NKAIN3: variants seen among roughly 807,000 people sequenced by gnomAD.
NKAIN3 encodes the protein sodium/potassium transporting ATPase interacting 3.
Under a neutral mutation model 30.2 loss-of-function variants are expected in NKAIN3, and 25 were observed. The ratio of observed to expected loss-of-function variants is 0.83; its 90% confidence interval spans 0.60 to 1.16. The LOEUF (loss-of-function observed/expected upper bound fraction) is 1.16. NKAIN3 is among the 50% of genes most tolerant of loss of function. The pLI, the probability that NKAIN3 is intolerant of heterozygous loss-of-function variation, is 0.00. For synonymous variants in NKAIN3, 91 were observed against 89.6 expected (o/e 1.02, Z -0.09); for missense variants, 225 against 254.1 (o/e 0.89, Z 0.78).
intron 6 of NKAIN3, among the ~76,000 whole-genome samples, chr8:62,962,416 C>T (rs1350058): frequency 0.48 from 73,348 of 151,994 alleles, 18,634 homozygotes; most frequent in African/African-American, 0.66. Flanking sequence ...TGATTATGGG[C>T]TGAGTATTAA....
In NKAIN3 at chr8:62,971,303, A is replaced by C. The variant is rs1242991705; in HGVS notation, c.*5896A>C. 6.6e-6 allele frequency among the ~76,000 whole-genome samples: 1 copy of C among 152,212 alleles called. No homozygotes were observed. The highest frequency in any genetic ancestry group is 1.9e-4 in the East Asian group (1 of 5,206). On this transcript the variant is annotated 3_prime_UTR_variant, in exon 7 of 7. Coordinates refer to ENST00000623646, the MANE Select transcript of NKAIN3 (RefSeq NM_001304533.3). ...AACTTTGCAGTGAAGAAACCTGGGT[A>C]TTATAGTCTTTATTCTTAATGACTT...
At chr8:62,929,254 G>A (rs981692228) in intron 5 of NKAIN3, among the ~76,000 whole-genome samples, 1 of 152,152 alleles carries the variant, frequency 6.6e-6, no homozygotes, top group African/African-American at 2.4e-5. Context: ...GAATTAAAGG[G>A]CAGATTGTCC....
At chr8:62,653,982 G>T (rs555893766) in intron 3 of NKAIN3, among the ~76,000 whole-genome samples, 2 of 152,016 alleles carry the variant, frequency 1.3e-5, no homozygotes, top group African/African-American at 4.8e-5. Context: ...AGGGATTACA[G>T]ATTTTTACAG....
At chr8:62,499,909 A>G (rs1807371146) in intron 1 of NKAIN3, among the ~76,000 whole-genome samples, 1 of 150,218 alleles carries the variant, frequency 6.7e-6, no homozygotes, top group East Asian at 2.0e-4. Flanking sequence ...TTTTTAGTTC[A>G]CCAATTATGC....
At chr8:62,254,153 CGTGT>C (rs10629239) in intron 1 of NKAIN3, among the ~76,000 whole-genome samples, 5,100 of 136,936 alleles carry the variant, frequency 0.037, 166 homozygotes, top group African/African-American at 0.08. Flanking sequence ...GCTTGGGTAT[CGTGT>C]GTGTGTGTGT....
intron 3 of NKAIN3, among the ~76,000 whole-genome samples, chr8:62,732,682 A>G (rs776944931): frequency 2.0e-5 from 3 of 152,002 alleles, no homozygotes; most frequent in Admixed American, 6.6e-5. Flanking sequence ...TTTGTTTCCT[A>G]TGTATTGACA....
chr8:62,805,554 G>C (rs946009540), intron 4 of NKAIN3, among the ~76,000 whole-genome samples: 3 of 152,102 alleles, frequency 2.0e-5, no homozygotes, highest in African/African-American at 7.2e-5. Context: ...AATGGGGAAA[G>C]GATTCCCTAT....
chr8:62,324,596 CAA>C (rs1459612383), intron 1 of NKAIN3, among the ~76,000 whole-genome samples: 5 of 152,028 alleles, frequency 3.3e-5, no homozygotes, highest in African/African-American at 4.8e-5. Context: ...ATATTCATTA[CAA>C]GAGAGAGCTA....
chr8:62,294,739 C>T (rs1230674699), intron 1 of NKAIN3, among the ~76,000 whole-genome samples: 1 of 152,064 alleles, frequency 6.6e-6, no homozygotes, highest in East Asian at 1.9e-4. Context: ...GAGATGGGGT[C>T]TCCCTATGTT....
intron 3 of NKAIN3, among the ~76,000 whole-genome samples, chr8:62,732,845 T>C (rs1815522304): frequency 6.6e-6 from 1 of 152,088 alleles, no homozygotes; most frequent in African/African-American, 2.4e-5. Context: ...TTACTTTCAA[T>C]ACTTCTGTGT....
chr8:62,929,287 G>A (rs959162587), intron 5 of NKAIN3, among the ~76,000 whole-genome samples: 11 of 152,170 alleles, frequency 7.2e-5, no homozygotes, highest in East Asian at 5.8e-4. Context: ...TGTAAATCCC[G>A]TATTGAGCAG....
chr8:62,429,865 C>T lies in NKAIN3; in HGVS notation c.55-149674C>T, dbSNP rs907480719. ...GTAACATAGAATTTACTATTATAAT[C>T]ATTTTAAGTGTATTGTTTAGTGGTA... On this transcript the variant is annotated intron_variant, in intron 1 of 6. Coordinates refer to ENST00000623646, the MANE Select transcript of NKAIN3 (RefSeq NM_001304533.3). Among the ~76,000 whole-genome samples the T allele has an allele frequency of 3.3e-5, 5 of 151,806 alleles. No individual in the cohort carries two copies. The East Asian group carries it at 9.6e-4, about 29-fold the overall frequency.
chr8:62,947,656 A>T (rs1193050535), intron 5 of NKAIN3, among the ~76,000 whole-genome samples: 2 of 152,198 alleles, frequency 1.3e-5, no homozygotes, highest in Non-Finnish European at 2.9e-5. Context: ...TTCAGGCCAG[A>T]TCATAGAAGG....
intron 1 of NKAIN3, among the ~76,000 whole-genome samples, chr8:62,448,477 C>CAAA (rs71255338): frequency 7.2e-6 from 1 of 139,812 alleles, no homozygotes; most frequent in African/African-American, 2.7e-5. Context: ...CTAGAAAATC[C>CAAA]AAAAAAAAAA....
chr8:62,570,438 G>C (rs1488400645), intron 1 of NKAIN3, among the ~76,000 whole-genome samples: 1 of 152,194 alleles, frequency 6.6e-6, no homozygotes. Flanking sequence ...ACAAAGGAAA[G>C]AGGTTTATTG....
At chr8:62,485,229 CTG>C (rs1806861706) in intron 1 of NKAIN3, among the ~76,000 whole-genome samples, 1 of 152,122 alleles carries the variant, frequency 6.6e-6, no homozygotes, top group South Asian at 2.1e-4. Context: ...AGATTGGTGA[CTG>C]TGGCAGTGAG....
chr8:62,882,524 G>A (rs545957583), intron 4 of NKAIN3, among the ~76,000 whole-genome samples: 3 of 152,030 alleles, frequency 2.0e-5, no homozygotes, highest in African/African-American at 7.2e-5. Flanking sequence ...CACCATATTG[G>A]CCAGGCTGGT....
chr8:62,491,740 A>T (rs1563423203), intron 1 of NKAIN3, among the ~76,000 whole-genome samples: 1 of 152,146 alleles, frequency 6.6e-6, no homozygotes, highest in African/African-American at 2.4e-5. Flanking sequence ...TAGGAAATAA[A>T]AGTCTAGGTT....
intron 4 of NKAIN3, among the ~76,000 whole-genome samples, chr8:62,815,713 C>T (rs1346571569): frequency 6.6e-6 from 1 of 152,252 alleles, no homozygotes; most frequent in Non-Finnish European, 1.5e-5. Flanking sequence ...ATTGATGGGA[C>T]CTATCTCAAA....
Sources: gnomAD v4.1 joint callset for allele counts (sites outside exome capture counted in the v4.1 genomes callset) on GRCh38, gnomAD v4.1.1 for gene constraint, MANE v1.5 for transcripts, NCBI Gene and HGNC (gene_info 2026-07-23, HGNC 2026-07-21) for gene names.